TERF1: variants seen among roughly 807,000 people sequenced by gnomAD.
TERF1 encodes the protein telomeric repeat binding factor 1.
A neutral mutation model predicts 55.1 loss-of-function variants in TERF1; 20 were observed. That is an observed-to-expected ratio of 0.36 (90% confidence interval 0.26 to 0.53). TERF1 has a LOEUF of 0.53. Ranked by LOEUF, TERF1 falls within the 20% of genes least tolerant of loss-of-function variation. The probability of loss-of-function intolerance (pLI) is 0.91; values close to 1 mark genes in which losing one functional copy is unlikely to be tolerated. For synonymous variants in TERF1, 168 were observed against 181.2 expected, an observed-to-expected ratio of 0.93 and a Z score of 0.59; for missense variants, 439 against 535.7, an observed-to-expected ratio of 0.82 and a Z score of 1.78.
intron 9 of TERF1, among the ~76,000 whole-genome samples, chr8:73,044,942 T>C (rs375478056): frequency 1.3e-5 from 2 of 152,316 alleles, no homozygotes; most frequent in East Asian, 1.9e-4. Flanking sequence ...GACAGTTGGG[T>C]TGCATCCACA....
In TERF1 at chr8:73,022,279, TTTG is replaced by T; in HGVS notation, c.602_604del (p.Phe201_Gly202delinsCys). The stretch of plus-strand genomic sequence containing the variant: ...AGCAGAAGAAGTCTTTGAAAGAATA[TTTG>T]GTGATCCAAATTCTCATATGGTAAT... On this transcript the variant is annotated inframe_deletion, in exon 4 of 10. Transcript: ENST00000276603. 1 of 1,589,046 alleles carries T rather than the reference TTTG, an allele frequency of 6.3e-7. No individual in the cohort carries two copies. The highest frequency in any genetic ancestry group is 1.2e-5 in the South Asian group (1 of 85,626).
At chr8:73,044,282 A>T (rs745567262) in intron 9 of TERF1, among the ~76,000 whole-genome samples, 2 of 152,200 alleles carry the variant, frequency 1.3e-5, no homozygotes, top group Non-Finnish European at 2.9e-5. Context: ...AACAAAAGCA[A>T]AAGCACGTAC....
At chr8:73,030,490 A>T in intron 7 of TERF1, 95 bp downstream of exon 7, 2 of 765,062 alleles carry the variant, frequency 2.6e-6, no homozygotes, top group Non-Finnish European at 1.9e-6. Flanking sequence ...AAATGGTACA[A>T]TTGAAAGAAT....
intron 9 of TERF1, among the ~76,000 whole-genome samples, chr8:73,043,995 A>ACCCT (rs1160524924): frequency 3.3e-5 from 5 of 152,212 alleles, no homozygotes; most frequent in Admixed American, 6.5e-5. Context: ...TAGATACTAT[A>ACCCT]CTTTTCTGTG....
At chr8:73,040,762 C>T (rs1278302554) in intron 9 of TERF1, among the ~76,000 whole-genome samples, 1 of 152,156 alleles carries the variant, frequency 6.6e-6, no homozygotes, top group Non-Finnish European at 1.5e-5. Context: ...GATTGTCCCA[C>T]TGTTCTTAGT....
chr8:73,038,802 AAATTTCAACGATCCT>A, intron 8 of TERF1: 1 of 906,750 alleles, frequency 1.1e-6, no homozygotes, highest in Non-Finnish European at 1.3e-6. Flanking sequence ...TATCGTAAGA[AAATTTCAACGATCCT>A]ATGCAATAAA....
intron 6 of TERF1, chr8:73,030,021 A>G (rs1390550450): frequency 5.0e-6 from 1 of 199,876 alleles, no homozygotes; most frequent in Non-Finnish European, 1.0e-5. Context: ...ATTATACCTT[A>G]ATAAAGCAGT....
chr8:73,037,009 TAATATAA>T, intron 8 of TERF1, among the ~76,000 whole-genome samples: 1 of 133,516 alleles, frequency 7.5e-6, no homozygotes, highest in Non-Finnish European at 1.5e-5. Flanking sequence ...GGTTTATATG[TAATATAA>T]TATATAATAT....
chr8:73,008,896 G>T lies in TERF1; in HGVS notation c.10G>T (p.Asp4Tyr). The T allele has an allele frequency of 1.2e-6, 2 of 1,606,106 alleles. No homozygotes were observed. Among genetic ancestry groups the T allele is most frequent in the Non-Finnish European group, 1.7e-6 (2 of 1,176,866 alleles). The change falls in exon 1 of 10, where the codon GAT becomes TAT. Residue 4 changes from aspartate (D) to tyrosine (Y), a missense_variant. Asp to Tyr is a radical substitution (Grantham distance 160, BLOSUM62 -3). Transcript: ENST00000276603. ...AAGCGAGCCATTTAACATGGCGGAGGATGTTTCCTCAGCGGCCCCGAGCCC... is the reference window on the plus strand; with the variant it reads ...AAGCGAGCCATTTAACATGGCGGAGTATGTTTCCTCAGCGGCCCCGAGCCC... MAE[D>Y]VSSAAPSPRG...
In TERF1 at chr8:73,037,428, T is replaced by TA. The variant is rs1033026251; in HGVS notation, c.1040-1686dup. On this transcript the variant is annotated intron_variant, in intron 8 of 9. Coordinates refer to ENST00000276603, the MANE Select transcript of TERF1 (RefSeq NM_017489.3). ...GAAAATACATATAAATTTTTATATA[T>TA]AATATATAATATATATTATATATGT... is the stretch of plus-strand genomic sequence containing the variant. 1.2e-3 allele frequency among the ~76,000 whole-genome samples: 153 copies of TA among 132,074 alleles called. 1 individual carries two copies. The highest frequency in any genetic ancestry group is 7.3e-3 in the Middle Eastern group (2 of 274). The allele number at this position is 132,074 out of a possible 152,430, so 86.6% of individuals were successfully genotyped here. A position where few individuals can be genotyped will look rare whatever the true frequency, so the allele number is the denominator to read the frequency against.
At chr8:73,023,292 G>C (rs1235335928) in intron 4 of TERF1, among the ~76,000 whole-genome samples, 1 of 152,198 alleles carries the variant, frequency 6.6e-6, no homozygotes, top group Non-Finnish European at 1.5e-5. Flanking sequence ...CACACACCTT[G>C]TATCTGGGTT....
intron 1 of TERF1, among the ~76,000 whole-genome samples, chr8:73,013,162 C>T (rs922568399): frequency 6.6e-6 from 1 of 152,150 alleles, no homozygotes; most frequent in African/African-American, 2.4e-5. Context: ...TATACACCAA[C>T]CAAGCCCTGG....
chr8:73,013,854 C>A, intron 1 of TERF1, 41 bp from the exon 2 acceptor site: 1 of 1,350,354 alleles, frequency 7.4e-7, no homozygotes, highest in Non-Finnish European at 1.0e-6. Context: ...ACTACTGGAT[C>A]AAGTTTGATT....
chr8:73,020,266 CTAT>C (rs1808694500), intron 2 of TERF1, among the ~76,000 whole-genome samples: 2 of 152,128 alleles, frequency 1.3e-5, no homozygotes, highest in African/African-American at 4.8e-5. Flanking sequence ...AATAGTACAA[CTAT>C]TATCTCATTA....
chr8:73,035,894 A>G (rs1401489710), intron 8 of TERF1, among the ~76,000 whole-genome samples: 1 of 152,164 alleles, frequency 6.6e-6, no homozygotes, highest in Admixed American at 6.5e-5. Context: ...GGTGTTCCAT[A>G]TTGTCAGGGA....
chr8:73,035,971 C>A (rs988728154), intron 8 of TERF1, among the ~76,000 whole-genome samples: 4 of 152,156 alleles, frequency 2.6e-5, no homozygotes, highest in Non-Finnish European at 5.9e-5. Context: ...AAAAGGTAGA[C>A]AACAAGACTT....
At chr8:73,044,385 C>G in intron 9 of TERF1, among the ~76,000 whole-genome samples, 1 of 152,188 alleles carries the variant, frequency 6.6e-6, no homozygotes, top group South Asian at 2.1e-4. Flanking sequence ...AAACAAACTT[C>G]TGCATGGGTT....
chr8:73,016,513 G>C (rs1808511181), intron 2 of TERF1, among the ~76,000 whole-genome samples: 1 of 150,668 alleles, frequency 6.6e-6, no homozygotes, highest in Admixed American at 6.7e-5. Flanking sequence ...GTTTATTGCA[G>C]ACTCAAACTC....
Position 73,022,302 on chromosome 8 carries a change from G to A in TERF1, c.624G>A (p.Met208Ile). The change falls in exon 4 of 10, where the codon ATG becomes ATA. Residue 208 changes from methionine to isoleucine, a missense_variant and splice_region_variant. Physicochemically the swap from Met to Ile is conservative, Grantham distance 10. Around this residue, in one of 4 missense-constraint regions of TERF1, gnomAD observed 95 missense variants for 167.2 expected, o/e 0.57. Coordinates refer to ENST00000276603, the MANE Select transcript of TERF1 (RefSeq NM_017489.3). ...ERIFGDPNSHMPFKSKLLMII... is the reference protein window; with the variant it reads ...ERIFGDPNSHIPFKSKLLMII... ...TATTTGGTGATCCAAATTCTCATAT[G>A]GTAATTATTTAAATTAAAACCATAG... 1 of 1,539,104 alleles carries A rather than the reference G, an allele frequency of 6.5e-7. No individual in the cohort carries two copies. The highest frequency in any genetic ancestry group is 8.8e-7 in the Non-Finnish European group (1 of 1,134,576).
Sources: allele counts gnomAD v4.1 joint callset (sites outside exome capture counted in the v4.1 genomes callset), GRCh38; gene constraint gnomAD v4.1.1; regional missense constraint gnomAD v4.1.1; transcripts MANE v1.5; gene names NCBI Gene and HGNC (gene_info 2026-07-23, HGNC 2026-07-21).